The following HDAC9 variants were observed in gnomAD, a reference collection of about 807,000 sequenced individuals.
The protein encoded by HDAC9 is MEF-2 interacting transcription repressor (MITR) protein.
Under a neutral mutation model 139.4 loss-of-function variants are expected in HDAC9, and 41 were observed. The observed-to-expected ratio is 0.29, with a 90% CI of 0.23 to 0.38. The LOEUF (loss-of-function observed/expected upper bound fraction) is 0.38. Among genes scored for constraint, HDAC9 ranks in the 10% least tolerant of loss-of-function variants. The probability of loss-of-function intolerance (pLI) is 1.00; values close to 1 mark genes in which losing one functional copy is unlikely to be tolerated. For missense variants in HDAC9, 1,147 were observed against 1,297.0 expected, an observed-to-expected ratio of 0.88 and a Z score of 1.78; for synonymous variants, 517 against 476.2, an observed-to-expected ratio of 1.09 and a Z score of -1.12.
chr7:18,425,408 G>C (rs1405413516), intron 1 of HDAC9, among the ~76,000 whole-genome samples: 1 of 152,178 alleles, frequency 6.6e-6, no homozygotes, highest in Non-Finnish European at 1.5e-5. Context: ...CAGAGCTGAA[G>C]GTGGCATGAC....
intron 2 of HDAC9, among the ~76,000 whole-genome samples, chr7:18,525,663 A>G (rs888012696): frequency 2.0e-5 from 3 of 152,096 alleles, no homozygotes; most frequent in Non-Finnish European, 4.4e-5. Context: ...TTAAAATTAG[A>G]AATGCTGCTG....
In HDAC9 at chr7:18,975,940, C is replaced by G. The variant is rs202124019; in HGVS notation, c.3157C>G (p.Gln1053Glu). The change falls in exon 25 of 26, where the codon CAG (glutamine) becomes GAG (glutamate). Residue 1053 changes from glutamine to glutamate, a missense_variant. Gln to Glu is a conservative substitution (Grantham distance 29). Around this residue, in one of 7 missense-constraint regions of HDAC9, gnomAD observed 407 missense variants for 521.5 expected, o/e 0.78. Transcript: ENST00000686413. ...LTVDVEQPFA[Q>E]EDSRTAGEPM... ...AGTGGATGTGGAACAGCCCTTTGCT[C>G]AGGAAGACAGCAGGTATGAATCCAA... The G allele has an allele frequency of 6.2e-7, 1 of 1,613,602 alleles. No homozygotes were observed. Among genetic ancestry groups the G allele is most frequent in the Admixed American group, 1.7e-5 (1 of 59,946 alleles).
intron 12 of HDAC9, chr7:18,667,217 A>AT: frequency 1.0e-6 from 1 of 985,364 alleles, no homozygotes; most frequent in Non-Finnish European, 1.2e-6. Context: ...TGTCTATCAA[A>AT]AAAGAGCAAA....
intron 17 of HDAC9, among the ~76,000 whole-genome samples, chr7:18,804,887 C>G (rs924045980): frequency 6.6e-6 from 1 of 152,158 alleles, no homozygotes; most frequent in South Asian, 2.1e-4. Context: ...CTCTGCTTCC[C>G]AGGCTTAAGT....
intron 2 of HDAC9, among the ~76,000 whole-genome samples, chr7:18,212,462 T>A (rs559373078): frequency 6.6e-6 from 1 of 152,290 alleles, no homozygotes; most frequent in African/African-American, 2.4e-5. Context: ...GGGTGTGAAT[T>A]CTTGTTGCGT....
intron 22 of HDAC9, among the ~76,000 whole-genome samples, chr7:18,916,038 A>AAAC (rs1803179531): frequency 2.0e-5 from 3 of 148,286 alleles, no homozygotes; most frequent in Non-Finnish European, 4.5e-5. Context: ...AAAAAAAAAA[A>AAAC]CAGAAAAAGA....
At chr7:18,633,289 G>A (rs1375281980) in intron 7 of HDAC9, among the ~76,000 whole-genome samples, 1 of 152,098 alleles carries the variant, frequency 6.6e-6, no homozygotes, top group Non-Finnish European at 1.5e-5. Context: ...TTCAAGTGTG[G>A]TGGCATTTGA....
intron 21 of HDAC9, among the ~76,000 whole-genome samples, chr7:18,858,108 C>T (rs548649716): frequency 1.4e-4 from 21 of 152,098 alleles, no homozygotes; most frequent in Non-Finnish European, 2.4e-4. Flanking sequence ...ACAGCAGTGT[C>T]GAAATACCAC....
At chr7:18,925,645 C>CT (rs34738573) in intron 22 of HDAC9, among the ~76,000 whole-genome samples, 29,326 of 150,940 alleles carry the variant, frequency 0.19, 3,124 homozygotes, top group East Asian at 0.38. Flanking sequence ...TTAAATACAT[C>CT]TTTTTTTTTC....
chr7:18,362,567 T>C (rs1783865211), intron 1 of HDAC9, among the ~76,000 whole-genome samples: 1 of 152,160 alleles, frequency 6.6e-6, no homozygotes, highest in African/African-American at 2.4e-5. Context: ...TTAAGTGTAC[T>C]AGCAGTGATT....
intron 2 of HDAC9, among the ~76,000 whole-genome samples, chr7:18,548,588 C>A (rs1463166049): frequency 6.6e-6 from 1 of 152,054 alleles, no homozygotes; most frequent in Non-Finnish European, 1.5e-5. Flanking sequence ...ATTGGTGTAA[C>A]CTTCACTATG....
chr7:18,917,469 T>C (rs953890174), intron 22 of HDAC9, among the ~76,000 whole-genome samples: 1 of 109,074 alleles, frequency 9.2e-6, no homozygotes, highest in African/African-American at 2.7e-5. Flanking sequence ...CAGTATCTGA[T>C]TGAGCAAATT....
chr7:18,222,122 A>G (rs966326680), intron 2 of HDAC9, among the ~76,000 whole-genome samples: 1 of 151,780 alleles, frequency 6.6e-6, no homozygotes, highest in African/African-American at 2.4e-5. Context: ...TTTAGATAGT[A>G]TGGGGAACTT....
At chr7:18,400,030 G>A (rs1302086685) in intron 1 of HDAC9, among the ~76,000 whole-genome samples, 1 of 152,162 alleles carries the variant, frequency 6.6e-6, no homozygotes, top group Admixed American at 6.5e-5. Context: ...GAGCCCAAAG[G>A]AAAAGTCAGA....
chr7:18,285,645 A>C (rs1797388477), upstream of HDAC9, among the ~76,000 whole-genome samples: 1 of 152,076 alleles, frequency 6.6e-6, no homozygotes, highest in African/African-American at 2.4e-5. Context: ...ATGATATATG[A>C]AAATGTTAAT....
intron 22 of HDAC9, among the ~76,000 whole-genome samples, chr7:18,934,170 T>G (rs757661152): frequency 6.6e-6 from 1 of 152,020 alleles, no homozygotes. Flanking sequence ...AGAAAGCAGG[T>G]GTAGTGATAT....
At chr7:18,787,062 T>C (rs2129175202) in intron 16 of HDAC9, among the ~76,000 whole-genome samples, 1 of 152,288 alleles carries the variant, frequency 6.6e-6, no homozygotes, top group African/African-American at 2.4e-5. Flanking sequence ...TTAGAGGGTT[T>C]AAAATGTTTT....
chr7:18,457,090 T>C (rs971104180), intron 1 of HDAC9, among the ~76,000 whole-genome samples: 4 of 152,204 alleles, frequency 2.6e-5, no homozygotes, highest in Non-Finnish European at 5.9e-5. Flanking sequence ...CTAGTAGATT[T>C]CCATTCCCAG....
rs117582192 is a variant in HDAC9, at chr7:18,573,920, C to T, written c.23-11361C>T. Reference sequence around the variant, plus strand: ...CAGCTCTTCTCCCCTTCTCATCGCCCACAACATGGCAAGCGGGAGGGTGTG... The same window carrying T: ...CAGCTCTTCTCCCCTTCTCATCGCCTACAACATGGCAAGCGGGAGGGTGTG... On this transcript the variant is annotated intron_variant, in intron 2 of 25. Transcript: ENST00000686413. 9.7e-4 allele frequency among the ~76,000 whole-genome samples: 148 copies of T among 152,338 alleles called. 1 individual carries two copies. Among genetic ancestry groups the T allele is most frequent in the Middle Eastern group, 3.4e-3 (1 of 294 alleles).
Sources: allele counts gnomAD v4.1 joint callset (sites outside exome capture counted in the v4.1 genomes callset), GRCh38; gene constraint gnomAD v4.1.1; regional missense constraint gnomAD v4.1.1; transcripts MANE v1.5; gene names NCBI Gene and HGNC (gene_info 2026-07-23, HGNC 2026-07-21).